The following TMEM132C variants were observed in gnomAD, a reference collection of about 807,000 sequenced individuals.
The protein encoded by TMEM132C is protein phosphatase 1, regulatory subunit 152.
In TMEM132C, 29 loss-of-function variants were observed where a neutral mutation model predicts 61.4. The ratio of observed to expected loss-of-function variants is 0.47; its 90% CI spans 0.35 to 0.64. The LOEUF (loss-of-function observed/expected upper bound fraction) is 0.64. Ranked by LOEUF, TMEM132C falls within the 30% of genes least tolerant of loss-of-function variation. The pLI is 0.00. For synonymous variants in TMEM132C, 656 were observed against 633.1 expected, an observed-to-expected ratio of 1.04 and a Z score of -0.54; for missense variants, 1,408 against 1,476.9, an observed-to-expected ratio of 0.95 and a Z score of 0.76.
chr12:128,539,452 T>TA (rs1409614065), intron 2 of TMEM132C, among the ~76,000 whole-genome samples: 1 of 151,982 alleles, frequency 6.6e-6, no homozygotes, highest in African/African-American at 2.4e-5. Context: ...CTGCCTCTAC[T>TA]AAAAATACAA....
chr12:128,362,303 A>G (rs1873730774), intron 1 of TMEM132C, among the ~76,000 whole-genome samples: 1 of 152,104 alleles, frequency 6.6e-6, no homozygotes, highest in Non-Finnish European at 1.5e-5. Flanking sequence ...CGGGTGCCTC[A>G]TCACCCATGA....
chr12:128,512,472 C>G (rs1368976314), intron 2 of TMEM132C, among the ~76,000 whole-genome samples: 1 of 152,154 alleles, frequency 6.6e-6, no homozygotes, highest in Non-Finnish European at 1.5e-5. Context: ...CATAGTATTC[C>G]ACCGAGTAGA....
In TMEM132C at chr12:128,326,331, T is replaced by C. The variant is rs1044343891; in HGVS notation, c.85+58844T>C. ...GTCCGATTCTCTGGATATGAGAGTG[T>C]TGTTTTCCAAGTGTAGCAGGGTTTC... On this transcript the variant is annotated intron_variant, in intron 1 of 8. Coordinates refer to ENST00000435159, the MANE Select transcript of TMEM132C (RefSeq NM_001136103.3). The surrounding 1 kb of genome is among the most constrained non-coding windows in gnomAD (Gnocchi z 5.6). 2.0e-5 allele frequency among the ~76,000 whole-genome samples: 3 copies of C among 152,206 alleles called. No homozygotes were observed. Among genetic ancestry groups the C allele is most frequent in the Non-Finnish European group, 2.9e-5 (2 of 68,046 alleles).
chr12:128,571,521 A>C (rs1471197896), intron 3 of TMEM132C, among the ~76,000 whole-genome samples: 19 of 152,158 alleles, frequency 1.2e-4, no homozygotes, highest in Admixed American at 1.2e-3. Flanking sequence ...TTTATCTTCA[A>C]CGGAAGCTCC....
rs1870752444 is a variant in TMEM132C, at chr12:128,278,095, C to A, written c.85+10608C>A. Among the ~76,000 whole-genome samples, 1 of 152,100 alleles carries A rather than the reference C, an allele frequency of 6.6e-6. No individual in the cohort carries two copies. Among genetic ancestry groups the A allele is most frequent in the Non-Finnish European group, 1.5e-5 (1 of 68,022 alleles). On this transcript the variant is annotated intron_variant, in intron 1 of 8. Coordinates refer to ENST00000435159, the MANE Select transcript of TMEM132C (RefSeq NM_001136103.3). The surrounding 1 kb of genome is among the most constrained non-coding windows in gnomAD (Gnocchi z 4.2). ...CCCTGGGCTGAGTTGCTAAAGCCTGCCAGTTTCTCATGCCGCAGCTGTATA... is the reference window on the plus strand; with the variant it reads ...CCCTGGGCTGAGTTGCTAAAGCCTGACAGTTTCTCATGCCGCAGCTGTATA...
chr12:128,528,626 G>A (rs904830454), intron 2 of TMEM132C, among the ~76,000 whole-genome samples: 4 of 152,086 alleles, frequency 2.6e-5, no homozygotes, highest in African/African-American at 9.7e-5. Context: ...GGTGGTGAGG[G>A]GAACTGTCCT....
intron 1 of TMEM132C, among the ~76,000 whole-genome samples, chr12:128,341,754 G>C (rs893045093): frequency 2.6e-5 from 4 of 152,150 alleles, no homozygotes; most frequent in African/African-American, 9.7e-5. Flanking sequence ...AGTAGAGAAT[G>C]GCATGCAGAT....
intron 1 of TMEM132C, among the ~76,000 whole-genome samples, chr12:128,311,495 A>G (rs904799659): frequency 2.6e-5 from 4 of 152,184 alleles, no homozygotes; most frequent in African/African-American, 9.6e-5. Context: ...CTCTGCCTCT[A>G]TTCTCTACTT....
At position 128,705,788 on chromosome 12, in the gene TMEM132C, C is replaced by T. The variant is rs769137740; in HGVS notation, c.2820C>T (p.Val940=). The T allele has an allele frequency of 1.3e-6, 2 of 1,551,666 alleles. No individual in the cohort carries two copies. Among genetic ancestry groups the T allele is most frequent in the South Asian group, 1.2e-5 (1 of 84,064 alleles). ...LLGVFCLAIL[V]FLINCATFAL... Reference sequence around the variant, plus strand: ...GGGTGTTCTGCCTGGCCATCCTCGTCTTCCTGATCAACTGCGCCACCTTTG... The same window carrying T: ...GGGTGTTCTGCCTGGCCATCCTCGTTTTCCTGATCAACTGCGCCACCTTTG... The change falls in exon 9 of 9, where the codon GTC becomes GTT. Residue 940 remains valine (V), a synonymous_variant. Transcript: ENST00000435159.
chr12:128,630,541 C>T lies in TMEM132C; in HGVS notation c.1305+14206C>T, dbSNP rs1052236534. On this transcript the variant is annotated intron_variant, in intron 4 of 8. Transcript: ENST00000435159. The surrounding 1 kb of genome is among the most constrained non-coding windows in gnomAD (Gnocchi z 4.3). Reference sequence around the variant, plus strand: ...AACCTGGAACCCCTCTGAGCTTTCCCCACTCCCTTTGCAGTCTCATCTCTG... The same window carrying T: ...AACCTGGAACCCCTCTGAGCTTTCCTCACTCCCTTTGCAGTCTCATCTCTG... Among the ~76,000 whole-genome samples the T allele has an allele frequency of 1.3e-5, 2 of 152,078 alleles. No individual in the cohort carries two copies. The highest frequency in any genetic ancestry group is 2.4e-5 in the African/African-American group (1 of 41,392).
Position 128,705,483 on chromosome 12 carries a change from C to A in TMEM132C, c.2515C>A (p.His839Asn). 1 of 1,551,172 alleles carries A rather than the reference C, an allele frequency of 6.4e-7. No individual in the cohort carries two copies. The highest frequency in any genetic ancestry group is 8.7e-7 in the Non-Finnish European group (1 of 1,146,888). The change falls in exon 9 of 9, where the codon CAC becomes AAC. Residue 839 changes from histidine to asparagine, a missense_variant. Coordinates refer to ENST00000435159, the MANE Select transcript of TMEM132C (RefSeq NM_001136103.3). ...QHHERTGQDGHLYGSSPVERE... is the reference protein window; with the variant it reads ...QHHERTGQDGNLYGSSPVERE... ...CCATGAGCGCACAGGCCAAGATGGG[C>A]ACCTCTATGGCAGCTCTCCCGTGGA...
At chr12:128,408,597 G>A (rs922757960) in intron 1 of TMEM132C, among the ~76,000 whole-genome samples, 4 of 152,164 alleles carry the variant, frequency 2.6e-5, no homozygotes, top group Non-Finnish European at 4.4e-5. Flanking sequence ...TAAATAGTCC[G>A]TGTTTAAGGA....
chr12:128,351,964 T>A (rs1873349426), intron 1 of TMEM132C, among the ~76,000 whole-genome samples: 1 of 152,110 alleles, frequency 6.6e-6, no homozygotes, highest in South Asian at 2.1e-4. Flanking sequence ...ATCTGCAAGG[T>A]GAGTCAGTGA....
chr12:128,428,029 CG>C (rs1415560814), intron 2 of TMEM132C, among the ~76,000 whole-genome samples: 1 of 152,088 alleles, frequency 6.6e-6, no homozygotes, highest in Non-Finnish European at 1.5e-5. Context: ...CTGGCTCCTC[CG>C]GGGGCTGCTG....
At chr12:128,347,414 TC>T (rs1873197993) in intron 1 of TMEM132C, among the ~76,000 whole-genome samples, 1 of 141,670 alleles carries the variant, frequency 7.1e-6, no homozygotes, top group African/African-American at 2.5e-5. Flanking sequence ...TCTCTCTCTC[TC>T]TCTCTCTCTC....
At chr12:128,484,848 C>T (rs61940040) in intron 2 of TMEM132C, among the ~76,000 whole-genome samples, 28,793 of 151,884 alleles carry the variant, frequency 0.19, 3,416 homozygotes, top group Non-Finnish European at 0.27. Flanking sequence ...GTCCCAGCTA[C>T]TTGGGAGGCT....
chr12:128,281,019 A>G (rs1009160817), intron 1 of TMEM132C, among the ~76,000 whole-genome samples: 6 of 152,164 alleles, frequency 3.9e-5, no homozygotes, highest in Non-Finnish European at 8.8e-5. Context: ...CAGCTTTGAG[A>G]CTGTGATCAA....
At chr12:128,508,003 T>C (rs1872433868) in intron 2 of TMEM132C, among the ~76,000 whole-genome samples, 1 of 152,162 alleles carries the variant, frequency 6.6e-6, no homozygotes, top group Non-Finnish European at 1.5e-5. Flanking sequence ...AACCATGATG[T>C]GGCTGTACTA....
intron 2 of TMEM132C, among the ~76,000 whole-genome samples, chr12:128,515,357 A>G (rs935529778): frequency 1.3e-5 from 2 of 152,220 alleles, no homozygotes; most frequent in Non-Finnish European, 2.9e-5. Context: ...TTCTGTGAGC[A>G]TGAGTACTCT....
Sources: gnomAD v4.1 joint callset for allele counts (sites outside exome capture counted in the v4.1 genomes callset) on GRCh38, gnomAD v4.1.1 for gene constraint, Gnocchi (gnomAD v3.1) non-coding constraint, MANE v1.5 for transcripts, NCBI Gene and HGNC (gene_info 2026-07-23, HGNC 2026-07-21) for gene names.